PPARGC1A: variants seen among roughly 807,000 people sequenced by gnomAD.
PPARGC1A encodes peroxisome proliferator-activated receptor gamma coactivator 1-alpha.
PPARGC1A carries 25 observed loss-of-function variants against 88.7 expected under a neutral mutation model. The ratio of observed to expected loss-of-function variants is 0.28; its 90% CI spans 0.21 to 0.39. The LOEUF (loss-of-function observed/expected upper bound fraction) is 0.39, where lower values mean the gene tolerates loss of function less well. Ranked by LOEUF, PPARGC1A falls within the 10% of genes least tolerant of loss-of-function variation. The pLI is 1.00. For synonymous variants in PPARGC1A, 363 were observed against 355.6 expected (o/e 1.02, Z -0.24); for missense variants, 880 against 968.7 (o/e 0.91, Z 1.22).
the PPARGC1A span, among the ~76,000 whole-genome samples, chr4:23,945,874 T>C: frequency 6.6e-6 from 1 of 152,166 alleles, no homozygotes; most frequent in African/African-American, 2.4e-5. Flanking sequence ...TGAGTTTGTA[T>C]TTCCAATGCC....
the PPARGC1A span, among the ~76,000 whole-genome samples, chr4:24,288,029 T>C: frequency 6.6e-6 from 1 of 152,030 alleles, no homozygotes; most frequent in Non-Finnish European, 1.5e-5. Context: ...ACTTTGCGGG[T>C]GCCCTCCAAG....
chr4:23,965,669 G>A, the PPARGC1A span, among the ~76,000 whole-genome samples: 114 of 152,268 alleles, frequency 7.5e-4, no homozygotes, highest in Non-Finnish European at 8.2e-4. Context: ...GGCTGGCGAA[G>A]CTCCTGTGTG....
the PPARGC1A span, among the ~76,000 whole-genome samples, chr4:23,948,928 C>A: frequency 1.3e-5 from 2 of 152,154 alleles, no homozygotes; most frequent in Admixed American, 6.6e-5. Flanking sequence ...AATTATCAGA[C>A]TCTGAATCCA....
the PPARGC1A span, among the ~76,000 whole-genome samples, chr4:24,208,682 A>AAAATAT: frequency 1.2e-3 from 168 of 134,974 alleles, no homozygotes; most frequent in South Asian, 5.0e-3. Flanking sequence ...TCAGAAAAAA[A>AAAATAT]ATATATATAT....
At chr4:23,873,770 G>A (rs2148784971) in intron 2 of PPARGC1A, among the ~76,000 whole-genome samples, 1 of 151,968 alleles carries the variant, frequency 6.6e-6, no homozygotes, top group East Asian at 1.9e-4. Context: ...ATGACAATTA[G>A]CACTGATTTG....
At chr4:24,470,289 C>CACAG in the PPARGC1A span, among the ~76,000 whole-genome samples, 2 of 136,240 alleles carry the variant, frequency 1.5e-5, no homozygotes, top group African/African-American at 5.8e-5. This position sits in a 1 kb window ranked among gnomAD's most constrained non-coding sequence, Gnocchi z 5.8. Context: ...CACACACACA[C>CACAG]ACACACACAC....
the PPARGC1A span, among the ~76,000 whole-genome samples, chr4:24,212,724 T>G: frequency 6.6e-6 from 1 of 152,314 alleles, no homozygotes; most frequent in East Asian, 1.9e-4. Context: ...CCACAAGGCC[T>G]GCTTCTAGAA....
the PPARGC1A span, among the ~76,000 whole-genome samples, chr4:24,076,624 T>C: frequency 1.3e-5 from 2 of 152,272 alleles, no homozygotes; most frequent in East Asian, 1.9e-4. Flanking sequence ...CTAGGTGCTC[T>C]ATCTGTTTCT....
the PPARGC1A span, among the ~76,000 whole-genome samples, chr4:24,115,958 G>A: frequency 6.6e-6 from 1 of 152,064 alleles, no homozygotes; most frequent in African/African-American, 2.4e-5. Context: ...GAGGATAATG[G>A]GGGAAGAGAC....
At chr4:23,913,757 T>C in the PPARGC1A span, among the ~76,000 whole-genome samples, 1 of 149,520 alleles carries the variant, frequency 6.7e-6, no homozygotes, top group African/African-American at 2.5e-5. Flanking sequence ...AGGTGGGAAT[T>C]TTTTTTTTCT....
the PPARGC1A span, among the ~76,000 whole-genome samples, chr4:24,165,932 C>A: frequency 0.021 from 3,172 of 152,194 alleles, 116 homozygotes; most frequent in East Asian, 0.099. Context: ...AAATAAAAAA[C>A]CAGAAATGAT....
At chr4:23,895,256 AC>A (rs1185724192) in intron 1 of PPARGC1A, among the ~76,000 whole-genome samples, 1 of 151,552 alleles carries the variant, frequency 6.6e-6, no homozygotes, top group Non-Finnish European at 1.5e-5. Flanking sequence ...TCTTAGAGAA[AC>A]AAAACAAAAC....
the PPARGC1A span, among the ~76,000 whole-genome samples, chr4:23,973,403 G>A: frequency 6.6e-6 from 1 of 152,088 alleles, no homozygotes; most frequent in African/African-American, 2.4e-5. Context: ...ATTTATATTG[G>A]GCAGTCTTAT....
the PPARGC1A span, among the ~76,000 whole-genome samples, chr4:23,947,388 TATATATATAAAA>T: frequency 0.066 from 769 of 11,660 alleles, 38 homozygotes; most frequent in South Asian, 0.13. Flanking sequence ...TATATATATA[TATATATATAAAA>T]AAAACGGTGA....
At chr4:23,909,863 T>C in the PPARGC1A span, among the ~76,000 whole-genome samples, 4 of 151,514 alleles carry the variant, frequency 2.6e-5, no homozygotes, top group Non-Finnish European at 5.9e-5. Context: ...AAAGTCCTAG[T>C]GACAAATGAT....
the PPARGC1A span, among the ~76,000 whole-genome samples, chr4:24,428,032 T>C: frequency 6.6e-6 from 1 of 151,712 alleles, no homozygotes; most frequent in East Asian, 1.9e-4. Flanking sequence ...TGAGGATCAC[T>C]GGAGCCCAGG....
chr4:23,885,065 A>G (rs2148834856), intron 1 of PPARGC1A, 134 bp from the exon 2 acceptor site: 1 of 732,226 alleles, frequency 1.4e-6, no homozygotes, highest in Non-Finnish European at 2.0e-6. Context: ...CTGGCACTTT[A>G]ATCACCAGGA....
At chr4:24,216,056 A>G in the PPARGC1A span, among the ~76,000 whole-genome samples, 1 of 151,848 alleles carries the variant, frequency 6.6e-6, no homozygotes, top group South Asian at 2.1e-4. Flanking sequence ...TGTATTTGAC[A>G]CAAGTATTAT....
At chr4:24,368,803 C>T in the PPARGC1A span, among the ~76,000 whole-genome samples, 2 of 152,064 alleles carry the variant, frequency 1.3e-5, no homozygotes, top group Admixed American at 6.6e-5. Flanking sequence ...GGAACAAAAA[C>T]GAAGAGACAC....
Sources: gnomAD v4.1 joint callset for allele counts (sites outside exome capture counted in the v4.1 genomes callset) on GRCh38, gnomAD v4.1.1 for gene constraint, Gnocchi (gnomAD v3.1) non-coding constraint, MANE v1.5 for transcripts, NCBI Gene and HGNC (gene_info 2026-07-23, HGNC 2026-07-21) for gene names.